Variants in METTL15 observed in about 807,000 individuals in gnomAD.
METTL15 encodes the protein 12S rRNA N(4)-cytidine methyltransferase METTL15.
METTL15 carries 34 observed loss-of-function variants against 38.3 expected under a neutral mutation model. That is an observed-to-expected ratio of 0.89 (90% confidence interval 0.68 to 1.18). The LOEUF (loss-of-function observed/expected upper bound fraction) is 1.18. Ranked by LOEUF, METTL15 falls within the 50% of genes most tolerant of loss-of-function variation. The pLI is 0.00. For synonymous variants in METTL15, 162 were observed against 170.9 expected (o/e 0.95, Z 0.41); for missense variants, 438 against 498.4 (o/e 0.88, Z 1.15).
chr11:28,170,880 A>C (rs887438844), intron 3 of METTL15, among the ~76,000 whole-genome samples: 2 of 152,084 alleles, frequency 1.3e-5, no homozygotes, highest in African/African-American at 2.4e-5. Context: ...CTCCTGTCTC[A>C]TCCTGTGACT....
rs144393588 is a variant in METTL15 at position 28,484,446 on chromosome 11, C to T, written c.*425-42032C>T. On this transcript the variant is annotated intron_variant and NMD_transcript_variant, in intron 6 of 7. Coordinates refer to the METTL15 transcript ENST00000532947. Reference sequence around the variant, plus strand: ...TGGAGAAGAAATGCTCCAGTGGATGCCCAGCCTACATGTCTTTCAACCCCG... The same window carrying T: ...TGGAGAAGAAATGCTCCAGTGGATGTCCAGCCTACATGTCTTTCAACCCCG... Among the ~76,000 whole-genome samples, 524 of 152,272 alleles carry T rather than the reference C, an allele frequency of 3.4e-3. 2 individuals carry two copies. The highest frequency in any genetic ancestry group is 0.012 in the African/African-American group (513 of 41,544).
chr11:28,165,552 GT>G (rs1261250503), intron 3 of METTL15, among the ~76,000 whole-genome samples: 1 of 151,816 alleles, frequency 6.6e-6, no homozygotes, highest in Non-Finnish European at 1.5e-5. Context: ...AGTTTTTTGA[GT>G]TTGTTAACTC....
At chr11:28,384,314 C>CTT (rs575254611) in intron 5 of METTL15, among the ~76,000 whole-genome samples, 32 of 144,346 alleles carry the variant, frequency 2.2e-4, no homozygotes, top group Admixed American at 8.3e-4. Flanking sequence ...TTCTTTCTTT[C>CTT]TTTTTTTTTT....
chr11:28,474,197 C>A (rs1268923211), intron 6 of METTL15, among the ~76,000 whole-genome samples: 1 of 151,332 alleles, frequency 6.6e-6, no homozygotes, highest in African/African-American at 2.4e-5. Context: ...ATATTTATTA[C>A]AAATATTTAA....
At chr11:28,490,630 G>A (rs1851486712) in intron 6 of METTL15, among the ~76,000 whole-genome samples, 1 of 152,074 alleles carries the variant, frequency 6.6e-6, no homozygotes, top group African/African-American at 2.4e-5. Flanking sequence ...TTAATGTGCA[G>A]TTAGGGTCGA....
At chr11:28,519,818 T>C (rs546328422) in intron 6 of METTL15, among the ~76,000 whole-genome samples, 1 of 152,270 alleles carries the variant, frequency 6.6e-6, no homozygotes, top group South Asian at 2.1e-4. Context: ...CTTCTTGTTA[T>C]AGAAGAGGAA....
At chr11:28,430,919 G>T (rs1169826739) in intron 6 of METTL15, among the ~76,000 whole-genome samples, 5 of 110,990 alleles carry the variant, frequency 4.5e-5, no homozygotes, top group African/African-American at 6.5e-5. Context: ...TCAGCCCCCC[G>T]CCCGGCCAGC....
rs571615857 is a variant in METTL15, at chr11:28,357,628, G to A, written c.*259-4309G>A. Among the ~76,000 whole-genome samples the A allele has an allele frequency of 1.1e-4, 16 of 152,300 alleles. No homozygotes were observed. In the East Asian group the frequency reaches 2.9e-3, roughly 28 times the overall value. On this transcript the variant is annotated intron_variant and NMD_transcript_variant, in intron 4 of 7. Coordinates refer to the METTL15 transcript ENST00000532947. The stretch of plus-strand genomic sequence containing the variant: ...TTCTAAGAATCACATGATTTGAGGT[G>A]CCTGACTCATGGTAAGTGCTCAATA...
chr11:28,477,794 C>A (rs1407106095), intron 6 of METTL15, among the ~76,000 whole-genome samples: 3 of 152,102 alleles, frequency 2.0e-5, no homozygotes, highest in Admixed American at 1.3e-4. Context: ...TCATCTTGAG[C>A]CATTCATTAT....
intron 6 of METTL15, among the ~76,000 whole-genome samples, chr11:28,432,247 TTGC>T (rs1850938887): frequency 6.6e-6 from 1 of 152,194 alleles, no homozygotes; most frequent in Non-Finnish European, 1.5e-5. Flanking sequence ...AAAAGGCAAC[TTGC>T]TGCTATTTTA....
At chr11:28,361,758 C>A (rs964514729) in intron 4 of METTL15, among the ~76,000 whole-genome samples, 1 of 151,966 alleles carries the variant, frequency 6.6e-6, no homozygotes, top group African/African-American at 2.4e-5. Context: ...ATTCATGGAT[C>A]CCAAGAGTTT....
intron 6 of METTL15, among the ~76,000 whole-genome samples, chr11:28,441,886 A>G (rs1851037714): frequency 6.6e-6 from 1 of 152,210 alleles, no homozygotes; most frequent in Non-Finnish European, 1.5e-5. Flanking sequence ...TTTTCATTCT[A>G]GAAAATACTA....
intron 3 of METTL15, among the ~76,000 whole-genome samples, chr11:28,201,741 A>G (rs540332353): frequency 6.6e-6 from 1 of 151,556 alleles, no homozygotes; most frequent in Non-Finnish European, 1.5e-5. Context: ...CAGAGACCAT[A>G]TCTACTTTGG....
At chr11:28,334,681 T>A (rs1186497448), downstream of METTL15, among the ~76,000 whole-genome samples, 2 of 152,200 alleles carry the variant, frequency 1.3e-5, no homozygotes, top group African/African-American at 4.8e-5. Flanking sequence ...TTCTCAAATC[T>A]TATCTGTTTA....
chr11:28,164,653 T>C (rs912459293), intron 3 of METTL15, among the ~76,000 whole-genome samples: 1 of 152,130 alleles, frequency 6.6e-6, no homozygotes, highest in East Asian at 1.9e-4. Flanking sequence ...ATGTCACTTA[T>C]TTTTTATGGT....
intron 4 of METTL15, among the ~76,000 whole-genome samples, chr11:28,273,855 T>G: frequency 6.6e-6 from 1 of 152,052 alleles, no homozygotes; most frequent in Admixed American, 6.6e-5. Context: ...TAATATTAAC[T>G]CAACAAAAAT....
At chr11:28,321,339 C>T (rs913360620) in intron 6 of METTL15, among the ~76,000 whole-genome samples, 1 of 152,084 alleles carries the variant, frequency 6.6e-6, no homozygotes, top group Non-Finnish European at 1.5e-5. Flanking sequence ...AGTGAATGAT[C>T]TGAAAATTGA....
intron 4 of METTL15, among the ~76,000 whole-genome samples, chr11:28,236,739 C>A (rs1853999288): frequency 6.6e-6 from 1 of 152,104 alleles, no homozygotes; most frequent in Admixed American, 6.5e-5. Flanking sequence ...GTGGCTGGTA[C>A]CAGTTGTGCC....
chr11:28,109,834 G>C (rs1457212070), intron 1 of METTL15, among the ~76,000 whole-genome samples: 1 of 152,182 alleles, frequency 6.6e-6, no homozygotes, highest in Non-Finnish European at 1.5e-5. Flanking sequence ...GTGTTCAGAT[G>C]ATGAGGTCCA....
Sources: allele counts gnomAD v4.1 joint callset (sites outside exome capture counted in the v4.1 genomes callset), GRCh38; gene constraint gnomAD v4.1.1; transcripts MANE v1.5; gene names NCBI Gene and HGNC (gene_info 2026-07-23, HGNC 2026-07-21).